The following CCDC148 variants were observed in gnomAD, a reference collection of about 807,000 sequenced individuals.
CCDC148 encodes the protein coiled-coil domain-containing protein 148.
In CCDC148, 89 loss-of-function variants were observed where a neutral mutation model predicts 85.7. The ratio of observed to expected loss-of-function variants is 1.04; its 90% CI spans 0.87 to 1.24. CCDC148 has a LOEUF of 1.24. Ranked by LOEUF, CCDC148 falls within the 50% of genes most tolerant of loss-of-function variation. CCDC148 has a pLI of 0.00. For synonymous variants in CCDC148, 230 were observed against 213.9 expected (o/e 1.08, Z -0.66); for missense variants, 692 against 671.7 (o/e 1.03, Z -0.33).
In CCDC148 at chr2:158,229,390, A is replaced by C. The variant is rs1357211010; in HGVS notation, c.1252-8677T>G. On this transcript the variant is annotated intron_variant, in intron 10 of 13. Coordinates refer to ENST00000283233, the MANE Select transcript of CCDC148 (RefSeq NM_138803.4). ...TGTGAGATATTCAGCTAAAGTGTCT[A>C]AAACATAGCATGTACTTAATAACCA... is the stretch of plus-strand genomic sequence containing the variant. Among the ~76,000 whole-genome samples, 6 of 152,206 alleles carry C rather than the reference A, an allele frequency of 3.9e-5. No individual in the cohort carries two copies. The East Asian group carries it at 1.2e-3, about 29-fold the overall frequency.
rs1014289607 is a variant in CCDC148, at chr2:158,340,303, T to C, written c.425A>G (p.His142Arg). 1.2e-6 allele frequency: 2 copies of C among 1,614,004 alleles called. No homozygotes were observed. The highest frequency in any genetic ancestry group is 2.2e-5 in the East Asian group (1 of 44,830). The change falls in exon 5 of 14, where the codon CAT becomes CGT. Residue 142 changes from histidine (H) to arginine (R), a missense_variant. Transcript: ENST00000283233. ...QLRADLKYRQ[H>R]HTLQHSHPHI... ...TGGGTGTGAATGCTGCAAAGTGTGATGCTGTCTGTATTTTAGATCTGCTCT... is the reference window on the plus strand; with the variant it reads ...TGGGTGTGAATGCTGCAAAGTGTGACGCTGTCTGTATTTTAGATCTGCTCT...
intron 11 of CCDC148, among the ~76,000 whole-genome samples, chr2:158,217,358 AATT>A (rs1370359768): frequency 1.4e-4 from 15 of 110,130 alleles, no homozygotes; most frequent in East Asian, 2.5e-4. Context: ...ATATATATAA[AATT>A]TTGTGTGTGT....
intron 1 of CCDC148, among the ~76,000 whole-genome samples, chr2:158,383,939 T>C (rs1436708561): frequency 6.6e-6 from 1 of 152,192 alleles, no homozygotes; most frequent in African/African-American, 2.4e-5. Context: ...TTAGTCCCCT[T>C]CAGCCCAGAA....
intron 1 of CCDC148, among the ~76,000 whole-genome samples, chr2:158,438,755 C>T (rs1282332519): frequency 5.3e-5 from 8 of 152,156 alleles, no homozygotes; most frequent in Non-Finnish European, 1.0e-4. Flanking sequence ...CCAGAATCTA[C>T]AATGAACTCC....
At chr2:158,365,295 C>T (rs1684146866) in intron 1 of CCDC148, among the ~76,000 whole-genome samples, 1 of 152,222 alleles carries the variant, frequency 6.6e-6, no homozygotes, top group African/African-American at 2.4e-5. Flanking sequence ...ACCCAGCAAG[C>T]CCATTACTGG....
At chr2:158,226,181 A>G (rs1439108310) in intron 10 of CCDC148, among the ~76,000 whole-genome samples, 3 of 152,336 alleles carry the variant, frequency 2.0e-5, no homozygotes, top group East Asian at 1.9e-4. Context: ...GAACACCTCT[A>G]TGCAAATAAA....
chr2:158,217,368 G>GTATATATATATATATATATATA (rs1558990175), intron 11 of CCDC148, among the ~76,000 whole-genome samples: 1 of 76,106 alleles, frequency 1.3e-5, no homozygotes, highest in African/African-American at 4.2e-5. Flanking sequence ...AATTTTGTGT[G>GTATATATATATATATATATATA]TGTGTGTATA....
At chr2:158,307,715 A>AAC (rs1348952220) in intron 9 of CCDC148, among the ~76,000 whole-genome samples, 3 of 152,246 alleles carry the variant, frequency 2.0e-5, no homozygotes, top group African/African-American at 7.2e-5. Flanking sequence ...AATAAAGAAG[A>AAC]ACAAATAGCT....
In CCDC148 at chr2:158,366,661, A is replaced by C. The variant is rs541044952; in HGVS notation, c.26-8091T>G. On this transcript the variant is annotated intron_variant, in intron 1 of 13. Transcript: ENST00000283233. ...GTGTAAAGCTATTTGGGCCCAATGT[A>C]GGACACTCTGATACATAATATTTGC... is the stretch of plus-strand genomic sequence containing the variant. Among the ~76,000 whole-genome samples, 6 of 152,282 alleles carry C rather than the reference A, an allele frequency of 3.9e-5. No individual in the cohort carries two copies. In the South Asian group the frequency reaches 1.2e-3, roughly 32 times the overall value.
chr2:158,393,297 G>A (rs1685392782), intron 1 of CCDC148: 1 of 152,112 alleles, frequency 6.6e-6, no homozygotes, highest in East Asian at 1.9e-4. Context: ...TACTCTACAT[G>A]AAGGAACTCT....
chr2:158,434,033 A>T (rs1283955144), intron 1 of CCDC148, among the ~76,000 whole-genome samples: 1 of 152,172 alleles, frequency 6.6e-6, no homozygotes, highest in Non-Finnish European at 1.5e-5. Context: ...TGTAGACTCC[A>T]CCTCTGGGGG....
chr2:158,352,490 A>C (rs1683371460), intron 2 of CCDC148, among the ~76,000 whole-genome samples: 1 of 152,156 alleles, frequency 6.6e-6, no homozygotes, highest in African/African-American at 2.4e-5. Flanking sequence ...CGGAAGATGA[A>C]ATGAATGAAA....
chr2:158,352,090 A>G (rs1261496869), intron 2 of CCDC148, among the ~76,000 whole-genome samples: 1 of 146,052 alleles, frequency 6.8e-6, no homozygotes, highest in African/African-American at 2.6e-5. Flanking sequence ...CACCATCATC[A>G]AAGACCAAAA....
intron 1 of CCDC148, among the ~76,000 whole-genome samples, chr2:158,435,159 C>A (rs1333863586): frequency 6.6e-6 from 1 of 152,028 alleles, no homozygotes; most frequent in Non-Finnish European, 1.5e-5. Context: ...AAGAGCAACT[C>A]CAAGACACAT....
intron 9 of CCDC148, among the ~76,000 whole-genome samples, chr2:158,304,354 A>T (rs1423303874): frequency 6.6e-6 from 1 of 152,156 alleles, no homozygotes; most frequent in African/African-American, 2.4e-5. Flanking sequence ...ATCTCCAAGC[A>T]GTACTGTTGC....
chr2:158,422,201 T>G (rs907799158), intron 1 of CCDC148, among the ~76,000 whole-genome samples: 1 of 151,832 alleles, frequency 6.6e-6, no homozygotes, highest in Non-Finnish European at 1.5e-5. Flanking sequence ...CTATTCCAAA[T>G]AATAGAAAAA....
chr2:158,217,203 CTA>C (rs1686908127), intron 11 of CCDC148, among the ~76,000 whole-genome samples: 1 of 151,364 alleles, frequency 6.6e-6, no homozygotes, highest in Middle Eastern at 3.4e-3. Flanking sequence ...AAAACAATTT[CTA>C]TGTCTTTTTT....
chr2:158,182,779 G>T (rs1188559772), intron 11 of CCDC148, among the ~76,000 whole-genome samples: 1 of 152,128 alleles, frequency 6.6e-6, no homozygotes, highest in African/African-American at 2.4e-5. Flanking sequence ...AACTCTTGGT[G>T]CTTCTTCTAC....
At chr2:158,213,408 C>G (rs1686681230) in intron 11 of CCDC148, among the ~76,000 whole-genome samples, 1 of 152,052 alleles carries the variant, frequency 6.6e-6, no homozygotes, top group South Asian at 2.1e-4. Flanking sequence ...TTATAAGAAA[C>G]AGCAATGGAG....
Sources: allele counts gnomAD v4.1 joint callset (sites outside exome capture counted in the v4.1 genomes callset), GRCh38; gene constraint gnomAD v4.1.1; transcripts MANE v1.5; gene names NCBI Gene and HGNC (gene_info 2026-07-23, HGNC 2026-07-21).